Variants in FAAH2 observed in about 807,000 individuals in gnomAD.
The protein encoded by FAAH2 is fatty acid amide hydrolase 2, also known as fatty-acid amide hydrolase 2.
A neutral mutation model predicts 36.9 loss-of-function variants in FAAH2; 60 were observed. The ratio of observed to expected loss-of-function variants is 1.63; its 90% CI spans 1.32 to 2.02. The LOEUF (loss-of-function observed/expected upper bound fraction) is 2.02. FAAH2 is among the 30% of genes most tolerant of loss of function. The pLI is 0.00. For synonymous variants in FAAH2, 214 were observed against 143.8 expected, an observed-to-expected ratio of 1.49 and a Z score of -3.49; for missense variants, 689 against 397.5, an observed-to-expected ratio of 1.73 and a Z score of -6.23.
the FAAH2 span, among the ~76,000 whole-genome samples, chrX:57,221,613 C>A: frequency 9.0e-6 from 1 of 111,652 alleles, no homozygotes; most frequent in Non-Finnish European, 1.9e-5. Flanking sequence ...TCTAGGACCT[C>A]AGGCTCATTA....
At chrX:57,357,212 A>T (rs1322369293) in intron 5 of FAAH2, among the ~76,000 whole-genome samples, 1 of 111,351 alleles carries the variant, frequency 9.0e-6, no homozygotes, top group Non-Finnish European at 1.9e-5. Flanking sequence ...TAAATGTAAG[A>T]CCTAAAACCA....
At chrX:57,479,057 G>A (rs1569372971) in intron 10 of FAAH2, among the ~76,000 whole-genome samples, 1 of 111,265 alleles carries the variant, frequency 9.0e-6, no homozygotes. Context: ...GGATGGCAAT[G>A]AATGTATAAA....
chrX:57,153,705 GCTCGTAGAGTTT>G, the FAAH2 span, among the ~76,000 whole-genome samples: 1 of 112,420 alleles, frequency 8.9e-6, no homozygotes, highest in African/African-American at 3.2e-5. Flanking sequence ...ATTCCTTCTA[GCTCGTAGAGTTT>G]CTGCTGAGAA....
At chrX:57,230,165 G>A in the FAAH2 span, among the ~76,000 whole-genome samples, 29 of 111,659 alleles carry the variant, frequency 2.6e-4, no homozygotes, top group Middle Eastern at 4.6e-3. Context: ...CAACCTTCTG[G>A]GTATAACTTC....
chrX:57,263,778 C>A, the FAAH2 span, among the ~76,000 whole-genome samples: 1 of 111,403 alleles, frequency 9.0e-6, no homozygotes, highest in Admixed American at 9.6e-5. Context: ...CATGAAGAAT[C>A]TTTCTACCCA....
chrX:57,438,044 T>C (rs1602662261), intron 8 of FAAH2, among the ~76,000 whole-genome samples: 1 of 104,355 alleles, frequency 9.6e-6, no homozygotes, highest in Middle Eastern at 0.013. Context: ...TGTATATATA[T>C]ACACATATAT....
At chrX:57,395,334 G>A (rs759852871) in intron 7 of FAAH2, 290 of 671,791 alleles carry the variant, frequency 4.3e-4, no homozygotes, top group Non-Finnish European at 7.9e-5. Context: ...TCCTTCAACT[G>A]AGTGACTTGA....
the FAAH2 span, among the ~76,000 whole-genome samples, chrX:57,137,883 A>C: frequency 1.2e-4 from 13 of 111,780 alleles, no homozygotes; most frequent in African/African-American, 2.0e-4. Context: ...ATATATATAT[A>C]TCTCCAAGCA....
the FAAH2 span, among the ~76,000 whole-genome samples, chrX:57,277,182 T>C: frequency 8.9e-6 from 1 of 111,803 alleles, no homozygotes; most frequent in African/African-American, 3.2e-5. Flanking sequence ...CTCAGTAAAA[T>C]ACTGGCAAAC....
At chrX:57,176,539 G>A in the FAAH2 span, among the ~76,000 whole-genome samples, 2 of 111,186 alleles carry the variant, frequency 1.8e-5, no homozygotes, top group Admixed American at 9.6e-5. Context: ...CTCCTTGAGT[G>A]ACTTAATAAC....
chrX:57,175,474 A>T, the FAAH2 span, among the ~76,000 whole-genome samples: 3 of 111,211 alleles, frequency 2.7e-5, no homozygotes, highest in African/African-American at 9.8e-5. Context: ...GTGTTACATG[A>T]CTCTCTGGAA....
intron 10 of FAAH2, among the ~76,000 whole-genome samples, chrX:57,461,435 G>A (rs2056956387): frequency 9.0e-6 from 1 of 111,620 alleles, no homozygotes; most frequent in Admixed American, 9.5e-5. Context: ...CAAAAGATTG[G>A]AAATCATAAC....
chrX:57,404,823 G>A (rs2055527021), intron 7 of FAAH2, among the ~76,000 whole-genome samples: 1 of 112,231 alleles, frequency 8.9e-6, no homozygotes, highest in Non-Finnish European at 1.9e-5. Flanking sequence ...AGAAGGAAAG[G>A]TAGGGGCACA....
chrX:57,365,060 T>C (rs1473259664), intron 5 of FAAH2, among the ~76,000 whole-genome samples: 1 of 111,834 alleles, frequency 8.9e-6, no homozygotes, highest in Non-Finnish European at 1.9e-5. Flanking sequence ...GTCCAATTGA[T>C]CAAGTATAAA....
intron 1 of FAAH2, among the ~76,000 whole-genome samples, 156 bp downstream of exon 1, chrX:57,287,173 T>G (rs2051834101): frequency 9.0e-6 from 1 of 111,368 alleles, no homozygotes; most frequent in South Asian, 3.8e-4. Context: ...CTGGGTGTTG[T>G]AGTACGTTTA....
chrX:57,307,089 C>T (rs1446704133), intron 2 of FAAH2, among the ~76,000 whole-genome samples: 1 of 91,847 alleles, frequency 1.1e-5, no homozygotes, highest in East Asian at 3.6e-4. Flanking sequence ...TTACCCCTAT[C>T]GTTGGGCCAG....
chrX:57,181,412 CA>C, the FAAH2 span, among the ~76,000 whole-genome samples: 2 of 111,364 alleles, frequency 1.8e-5, no homozygotes, highest in South Asian at 7.5e-4. Flanking sequence ...AATCAATGTA[CA>C]AAAATCGCTA....
At chrX:57,227,376 A>G in the FAAH2 span, among the ~76,000 whole-genome samples, 1 of 110,812 alleles carries the variant, frequency 9.0e-6, no homozygotes, top group East Asian at 2.8e-4. Flanking sequence ...TTTCGTGTGG[A>G]TGTGGCTTCC....
the FAAH2 span, among the ~76,000 whole-genome samples, chrX:57,141,014 C>G: frequency 8.9e-6 from 1 of 112,006 alleles, no homozygotes; most frequent in Non-Finnish European, 1.9e-5. Flanking sequence ...TTGTCTTGTT[C>G]CAGGTCATAG....
Sources: gnomAD v4.1 joint callset for allele counts (sites outside exome capture counted in the v4.1 genomes callset) on GRCh38, gnomAD v4.1.1 for gene constraint, MANE v1.5 for transcripts, NCBI Gene and HGNC (gene_info 2026-07-23, HGNC 2026-07-21) for gene names.